TIMM23B: variants seen among roughly 807,000 people sequenced by gnomAD.
The protein encoded by TIMM23B is translocase of inner mitochondrial membrane 23 homolog B, also known as mitochondrial import inner membrane translocase subunit Tim23B.
Under a neutral mutation model 27.3 loss-of-function variants are expected in TIMM23B, and 27 were observed. The observed-to-expected ratio is 0.99, with a 90% CI of 0.73 to 1.36. The LOEUF (loss-of-function observed/expected upper bound fraction) is 1.36. TIMM23B is among the 40% of genes most tolerant of loss of function. The pLI is 0.00. For missense variants in TIMM23B, 205 were observed against 244.2 expected (o/e 0.84, Z 1.07); for synonymous variants, 73 against 92.4 (o/e 0.79, Z 1.21).
intron 6 of TIMM23B, among the ~76,000 whole-genome samples, chr10:49,968,429 CAG>C (rs1299479601): frequency 6.6e-6 from 1 of 152,242 alleles, no homozygotes; most frequent in Non-Finnish European, 1.5e-5. Context: ...TACTGAAAAA[CAG>C]AATTCCTCAG....
intron 4 of TIMM23B, among the ~76,000 whole-genome samples, chr10:49,952,856 AT>A (rs1839583672): frequency 6.6e-6 from 1 of 150,548 alleles, no homozygotes; most frequent in Non-Finnish European, 1.5e-5. Flanking sequence ...GGAATTTTGG[AT>A]TGTTTGGGGG....
At chr10:49,963,151 C>T (rs1488228629) in intron 6 of TIMM23B, among the ~76,000 whole-genome samples, 3 of 151,954 alleles carry the variant, frequency 2.0e-5, no homozygotes, top group African/African-American at 7.3e-5. Context: ...AGAGATCGCG[C>T]CACTGAATTC....
chr10:49,947,482 G>T (rs1454769371), intron 2 of TIMM23B, among the ~76,000 whole-genome samples: 3 of 151,720 alleles, frequency 2.0e-5, no homozygotes, highest in Non-Finnish European at 4.4e-5. Flanking sequence ...GGTGCTGGGC[G>T]CCTGTAATCC....
chr10:49,964,009 T>G lies in TIMM23B; in HGVS notation c.514+5529T>G, dbSNP rs1589044578. On this transcript the variant is annotated intron_variant, in intron 6 of 6. Coordinates refer to ENST00000651259, the MANE Select transcript of TIMM23B (RefSeq NM_001290117.2). ...TGATGAAATGAAATAATGAAATGAATAATGAAATGCGTGTGGTGCACTCCA... is the reference window on the plus strand; with the variant it reads ...TGATGAAATGAAATAATGAAATGAAGAATGAAATGCGTGTGGTGCACTCCA... 3.3e-5 allele frequency among the ~76,000 whole-genome samples: 5 copies of G among 151,846 alleles called. No individual in the cohort carries two copies. The South Asian group carries it at 1.0e-3, about 32-fold the overall frequency.
Position 49,949,403 on chromosome 10 carries a change from C to A in TIMM23B, c.166-2723C>A, listed in dbSNP as rs1182149102. ...TGTTATATTTTAACATTGGGTGTTC[C>A]TTGATTTTTTTACTTTAAAAGTACT... is the stretch of plus-strand genomic sequence containing the variant. On this transcript the variant is annotated intron_variant, in intron 2 of 6. Coordinates refer to ENST00000651259, the MANE Select transcript of TIMM23B (RefSeq NM_001290117.2). Among the ~76,000 whole-genome samples, 6 of 152,090 alleles carry A rather than the reference C, an allele frequency of 3.9e-5. No individual in the cohort carries two copies. The East Asian group carries it at 5.8e-4, about 15-fold the overall frequency.
In TIMM23B at chr10:49,952,174, A is replaced by G; in HGVS notation, c.214A>G (p.Arg72Gly). The change falls in exon 3 of 7, where the codon AGA becomes GGA. Residue 72 changes from arginine to glycine, a missense_variant. Coordinates refer to ENST00000651259, the MANE Select transcript of TIMM23B (RefSeq NM_001290117.2). ...LPTGANKTWG[R>G]FELAFFTIGG... ...TACCGGAGCTAATAAAACCTGGGGCAGATTTGAGCTGGCCTTCTTTACGAT... is the reference window on the plus strand; with the variant it reads ...TACCGGAGCTAATAAAACCTGGGGCGGATTTGAGCTGGCCTTCTTTACGAT... 1 of 1,605,632 alleles carries G rather than the reference A, an allele frequency of 6.2e-7. No individual in the cohort carries two copies. Among genetic ancestry groups the G allele is most frequent in the Non-Finnish European group, 8.5e-7 (1 of 1,172,222 alleles).
chr10:49,961,351 C>G (rs1158591318), intron 6 of TIMM23B, among the ~76,000 whole-genome samples: 5 of 138,110 alleles, frequency 3.6e-5, no homozygotes, highest in African/African-American at 5.5e-5. Flanking sequence ...CCACTGCACT[C>G]TAGCCTGGGC....
chr10:49,959,895 C>T (rs1248524015), intron 6 of TIMM23B, among the ~76,000 whole-genome samples: 1 of 151,958 alleles, frequency 6.6e-6, no homozygotes, highest in Non-Finnish European at 1.5e-5. Flanking sequence ...ACTGCAGGCA[C>T]ACACCACCAC....
intron 6 of TIMM23B, among the ~76,000 whole-genome samples, chr10:49,963,454 G>A (rs550894390): frequency 5.9e-5 from 9 of 152,152 alleles, no homozygotes; most frequent in Non-Finnish European, 1.2e-4. Flanking sequence ...GCAGGTCTCC[G>A]TCTCGAAATG....
intron 2 of TIMM23B, among the ~76,000 whole-genome samples, chr10:49,949,039 C>T: frequency 6.6e-6 from 1 of 152,176 alleles, no homozygotes; most frequent in South Asian, 2.1e-4. Context: ...AGATGAACAC[C>T]ACCATGCCTG....
chr10:49,954,306 A>G, intron 4 of TIMM23B: 1 of 454,230 alleles, frequency 2.2e-6, no homozygotes, highest in Non-Finnish European at 4.4e-6. Context: ...AGTTGCCTCC[A>G]TCACTGTTCT....
chr10:49,949,462 T>C (rs1378520253), intron 2 of TIMM23B, among the ~76,000 whole-genome samples: 3 of 152,314 alleles, frequency 2.0e-5, no homozygotes, highest in East Asian at 1.9e-4. Flanking sequence ...TCAAAACTAG[T>C]TGCATGTATT....
At chr10:49,958,906 G>A (rs1342561243) in intron 6 of TIMM23B, among the ~76,000 whole-genome samples, 1 of 152,086 alleles carries the variant, frequency 6.6e-6, no homozygotes, top group African/African-American at 2.4e-5. Flanking sequence ...TATCCTCAAG[G>A]TTCATCCATA....
At chr10:49,942,341 C>T in intron 1 of TIMM23B, 41 bp downstream of exon 1, 6 of 1,580,978 alleles carry the variant, frequency 3.8e-6, no homozygotes, top group Non-Finnish European at 5.2e-6. Flanking sequence ...CTGACTGGTT[C>T]TTGCGTTTAC....
intron 4 of TIMM23B, among the ~76,000 whole-genome samples, chr10:49,954,726 A>G (rs1839656774): frequency 7.6e-6 from 1 of 131,468 alleles, no homozygotes; most frequent in African/African-American, 2.9e-5. Flanking sequence ...TAATAATAAG[A>G]GTTTTCCTTA....
chr10:49,952,368 C>T, intron 3 of TIMM23B, 81 bp from the exon 4 acceptor site: 2 of 1,509,088 alleles, frequency 1.3e-6, no homozygotes. Context: ...GAAAAAGAAT[C>T]AGAAGTGTAG....
intron 6 of TIMM23B, among the ~76,000 whole-genome samples, chr10:49,964,841 T>C (rs1554855162): frequency 1.3e-5 from 2 of 151,786 alleles, no homozygotes; most frequent in Non-Finnish European, 2.9e-5. Flanking sequence ...ATGCTGGCTG[T>C]GGTGATGCAC....
At chr10:49,964,866 T>TA (rs1840068454) in intron 6 of TIMM23B, among the ~76,000 whole-genome samples, 1 of 152,154 alleles carries the variant, frequency 6.6e-6, no homozygotes, top group Non-Finnish European at 1.5e-5. Flanking sequence ...GCCTGGGTGA[T>TA]AGAGTGAGAC....
chr10:49,956,418 T>C (rs1839724083), intron 5 of TIMM23B, among the ~76,000 whole-genome samples: 1 of 133,116 alleles, frequency 7.5e-6, no homozygotes, highest in Non-Finnish European at 1.6e-5. Flanking sequence ...TTTCTTATAC[T>C]AGAAATACGT....
Sources: allele counts gnomAD v4.1 joint callset (sites outside exome capture counted in the v4.1 genomes callset), GRCh38; gene constraint gnomAD v4.1.1; transcripts MANE v1.5; gene names NCBI Gene and HGNC (gene_info 2026-07-23, HGNC 2026-07-21).